The following GRK3 variants were observed in gnomAD, a reference collection of about 807,000 sequenced individuals.
GRK3 encodes G protein-coupled receptor kinase 3.
Under a neutral mutation model 95.7 loss-of-function variants are expected in GRK3, and 54 were observed. That is an observed-to-expected ratio of 0.56 (90% CI 0.45 to 0.71). The LOEUF (loss-of-function observed/expected upper bound fraction) is 0.71, where lower values mean the gene tolerates loss of function less well. GRK3 is among the 30% of genes least tolerant of loss of function. GRK3 has a pLI of 0.00. For synonymous variants in GRK3, 281 were observed against 290.8 expected (o/e 0.97, Z 0.34); for missense variants, 649 against 851.2 (o/e 0.76, Z 2.96).
At chr22:25,645,603 C>T (rs1039293921) in intron 3 of GRK3, among the ~76,000 whole-genome samples, 1 of 152,152 alleles carries the variant, frequency 6.6e-6, no homozygotes, top group Non-Finnish European at 1.5e-5. Flanking sequence ...TCTCCTTGAA[C>T]TCCATAGACG....
In GRK3 at chr22:25,607,100, A is replaced by G. The variant is rs575254732; in HGVS notation, c.190+2647A>G. ...TGTATGTGTTTGTGTGTGTGTGTGT[A>G]TATATATATATTTACATCACCTAGA... is the stretch of plus-strand genomic sequence containing the variant. On this transcript the variant is annotated intron_variant, in intron 2 of 20. Coordinates refer to ENST00000324198, the MANE Select transcript of GRK3 (RefSeq NM_005160.4). Among the ~76,000 whole-genome samples, 17 of 151,966 alleles carry G rather than the reference A, an allele frequency of 1.1e-4. No homozygotes were observed. In the East Asian group the frequency reaches 1.5e-3, roughly 14 times the overall value.
chr22:25,647,362 C>T, intron 3 of GRK3: 5 of 1,294,332 alleles, frequency 3.9e-6, no homozygotes, highest in Non-Finnish European at 5.6e-6. Context: ...GGAGCAGAAC[C>T]CACTGCAGTG....
At chr22:25,709,045 A>AT (rs112140761) in intron 15 of GRK3, among the ~76,000 whole-genome samples, 46 of 142,806 alleles carry the variant, frequency 3.2e-4, no homozygotes, top group South Asian at 1.8e-3. Context: ...TTTTATTTTT[A>AT]TTTTTTTTTT....
chr22:25,566,874 T>C (rs1931508213), intron 1 of GRK3, among the ~76,000 whole-genome samples: 1 of 151,746 alleles, frequency 6.6e-6, no homozygotes, highest in Non-Finnish European at 1.5e-5. Context: ...TATACAAAAT[T>C]GATAAATCTC....
Position 25,697,400 on chromosome 22 carries a change from T to C in GRK3, c.1160+2186T>C, listed in dbSNP as rs183420015. Among the ~76,000 whole-genome samples, 127 of 152,328 alleles carry C rather than the reference T, an allele frequency of 8.3e-4. 1 individual carries two copies. In the Middle Eastern group the frequency reaches 0.024, roughly 29 times the overall value. On this transcript the variant is annotated intron_variant, in intron 13 of 20. Transcript: ENST00000324198. ...ACTGAACTGGAAGATATTAATTCCT[T>C]TGTGAAGTCCTTGATTGGCCTTGAT...
chr22:25,627,577 C>T (rs1433007512), intron 2 of GRK3, among the ~76,000 whole-genome samples: 1 of 152,192 alleles, frequency 6.6e-6, no homozygotes, highest in African/African-American at 2.4e-5. Flanking sequence ...GTGACTGTAC[C>T]ACAACCATCT....
chr22:25,571,711 T>C lies in GRK3; in HGVS notation c.113+6558T>C, dbSNP rs1306974738. ...GAGGCAGGACTTCTGAAAAGCTGGA[T>C]GATTGGCTGGAACAGAGAAGAGCAA... On this transcript the variant is annotated intron_variant, in intron 1 of 20. Coordinates refer to ENST00000324198, the MANE Select transcript of GRK3 (RefSeq NM_005160.4). 2.6e-5 allele frequency among the ~76,000 whole-genome samples: 4 copies of C among 151,780 alleles called. No homozygotes were observed. The East Asian group carries it at 7.7e-4, about 29-fold the overall frequency.
chr22:25,720,930 T>C (rs987111178), intron 19 of GRK3, among the ~76,000 whole-genome samples: 1 of 152,198 alleles, frequency 6.6e-6, no homozygotes, highest in Non-Finnish European at 1.5e-5. Flanking sequence ...ATAAATCATA[T>C]GTGGCTCTGT....
intron 8 of GRK3, among the ~76,000 whole-genome samples, chr22:25,677,396 A>AC (rs2085039423): frequency 6.6e-6 from 1 of 150,750 alleles, no homozygotes; most frequent in African/African-American, 2.4e-5. Context: ...AAAAAAAAAA[A>AC]AAAAAGAAAA....
rs1352535716 is a variant in GRK3 at position 25,609,870 on chromosome 22, C to G, written c.190+5417C>G. Among the ~76,000 whole-genome samples, 11 of 127,822 alleles carry G rather than the reference C, an allele frequency of 8.6e-5. No individual in the cohort carries two copies. In the Admixed American group the frequency reaches 9.5e-4, roughly 11 times the overall value. The allele number at this position is 127,822 out of a possible 152,430, so 83.9% of individuals were successfully genotyped here. On this transcript the variant is annotated intron_variant, in intron 2 of 20. Coordinates refer to ENST00000324198, the MANE Select transcript of GRK3 (RefSeq NM_005160.4). ...CTTTTTTTTTTTTTTTTTTTTGAGACAGAGTCTTGCTCTGTCACCCAGGCT... is the reference window on the plus strand; with the variant it reads ...CTTTTTTTTTTTTTTTTTTTTGAGAGAGAGTCTTGCTCTGTCACCCAGGCT...
chr22:25,643,265 C>T (rs535198308), intron 2 of GRK3, among the ~76,000 whole-genome samples: 201 of 152,302 alleles, frequency 1.3e-3, no homozygotes, highest in African/African-American at 4.7e-3. Flanking sequence ...TGGCTGTGCT[C>T]CTGCTGCAGG....
chr22:25,685,850 C>T (rs1569194626), intron 10 of GRK3, among the ~76,000 whole-genome samples: 1 of 150,412 alleles, frequency 6.6e-6, no homozygotes, highest in Non-Finnish European at 1.5e-5. Context: ...GCATACAATT[C>T]ACAACTCACA....
intron 1 of GRK3, among the ~76,000 whole-genome samples, chr22:25,568,636 A>T (rs1005762616): frequency 6.6e-6 from 1 of 152,192 alleles, no homozygotes; most frequent in Non-Finnish European, 1.5e-5. Flanking sequence ...ACGGGGTACT[A>T]TGACAAACCC....
At chr22:25,666,880 G>A (rs184320754) in intron 5 of GRK3, among the ~76,000 whole-genome samples, 1 of 152,288 alleles carries the variant, frequency 6.6e-6, no homozygotes, top group African/African-American at 2.4e-5. Flanking sequence ...GGGCTGAACT[G>A]TGAAATATTG....
intron 18 of GRK3, among the ~76,000 whole-genome samples, chr22:25,716,929 G>C (rs567358838): frequency 1.3e-5 from 2 of 152,284 alleles, no homozygotes; most frequent in African/African-American, 4.8e-5. Context: ...AACTGCGCAC[G>C]TGAGGGATCT....
chr22:25,691,204 A>G (rs1338340465), intron 12 of GRK3, among the ~76,000 whole-genome samples: 1 of 152,138 alleles, frequency 6.6e-6, no homozygotes, highest in Non-Finnish European at 1.5e-5. Flanking sequence ...CTTTTGCTTT[A>G]TTTTGTCTTT....
At chr22:25,721,949 A>AT (rs890819231) in intron 20 of GRK3, among the ~76,000 whole-genome samples, 20 of 152,258 alleles carry the variant, frequency 1.3e-4, no homozygotes, top group Admixed American at 3.3e-4. Context: ...TATTTAAAAC[A>AT]TTTTTTAATT....
chr22:25,712,569 A>T (rs182815368), intron 17 of GRK3, among the ~76,000 whole-genome samples: 2 of 152,388 alleles, frequency 1.3e-5, no homozygotes, highest in African/African-American at 2.4e-5. Context: ...GATCATACTT[A>T]AAAATGTTGT....
At chr22:25,688,042 C>T (rs545788378) in intron 11 of GRK3, among the ~76,000 whole-genome samples, 68 of 152,242 alleles carry the variant, frequency 4.5e-4, no homozygotes, top group East Asian at 1.4e-3. Flanking sequence ...CAAGGCCATC[C>T]TGGCTAACAC....
Sources: gnomAD v4.1 joint callset for allele counts (sites outside exome capture counted in the v4.1 genomes callset) on GRCh38, gnomAD v4.1.1 for gene constraint, MANE v1.5 for transcripts, NCBI Gene and HGNC (gene_info 2026-07-23, HGNC 2026-07-21) for gene names.